The following IRS2 variants were observed in gnomAD, a reference collection of about 807,000 sequenced individuals.
The protein encoded by IRS2 is insulin receptor substrate 2.
Under a neutral mutation model 70.9 loss-of-function variants are expected in IRS2, and 28 were observed. The observed-to-expected ratio is 0.39, with a 90% CI of 0.29 to 0.54. The LOEUF (loss-of-function observed/expected upper bound fraction) is 0.54, where lower values mean the gene tolerates loss of function less well. Ranked by LOEUF, IRS2 falls within the 20% of genes least tolerant of loss-of-function variation. IRS2 has a pLI of 0.59. For missense variants in IRS2, 2,081 were observed against 2,024.1 expected (o/e 1.03, Z -0.54); for synonymous variants, 1,217 against 981.9 (o/e 1.24, Z -4.48).
At position 109,783,125 on chromosome 13, in the gene IRS2, C is replaced by A; in HGVS notation, c.2929G>T (p.Asp977Tyr). The change falls in exon 1 of 2, where the codon GAC becomes TAC. Residue 977 changes from aspartate (D) to tyrosine (Y), a missense_variant. Asp to Tyr is a radical substitution (Grantham distance 160). This residue lies in a region of IRS2 where 1,615 missense variants were observed against 1,459.5 expected (regional missense o/e 1.11). Coordinates refer to ENST00000375856, the MANE Select transcript of IRS2 (RefSeq NM_003749.3). Reference protein sequence around the residue: ...SDSRQRSPLSDYMNLDFSSPK... With the variant: ...SDSRQRSPLSYYMNLDFSSPK... ...GAGCTGAAGTCGAGGTTCATGTAGT[C>A]GGAGAGCGGAGACCGCTGCCGGCTG... is the stretch of plus-strand genomic sequence containing the variant. 2 of 1,385,486 alleles carry A rather than the reference C, an allele frequency of 1.4e-6. No individual in the cohort carries two copies. The highest frequency in any genetic ancestry group is 9.3e-7 in the Non-Finnish European group (1 of 1,076,292). The allele number at this position is 1,385,486 out of a possible 1,614,324, so 85.8% of individuals were successfully genotyped here.
At chr13:109,768,945 G>A (rs1343846250) in intron 1 of IRS2, among the ~76,000 whole-genome samples, 2 of 152,182 alleles carry the variant, frequency 1.3e-5, no homozygotes, top group Non-Finnish European at 2.9e-5. Context: ...AGGTTATTGG[G>A]ATTCAATACC....
intron 1 of IRS2, among the ~76,000 whole-genome samples, chr13:109,773,956 T>C (rs1478662311): frequency 2.0e-5 from 3 of 152,208 alleles, no homozygotes; most frequent in Non-Finnish European, 1.5e-5. Flanking sequence ...TACAAACAAC[T>C]CTACCACTAA....
At chr13:109,781,760 G>C (rs144654352) in intron 1 of IRS2, among the ~76,000 whole-genome samples, 1,900 of 152,270 alleles carry the variant, frequency 0.012, 39 homozygotes, top group African/African-American at 0.044. Flanking sequence ...AAGGGACAGG[G>C]GGCTGTGGGA....
intron 1 of IRS2, 110 bp from the exon 2 acceptor site, chr13:109,756,418 TAAACTGATGACCTTTG>T: frequency 1.2e-6 from 1 of 860,282 alleles, no homozygotes; most frequent in Non-Finnish European, 2.0e-6. Context: ...GTCATTTTCA[TAAACTGATGACCTTTG>T]AGAAAGAAAC....
chr13:109,753,691 G>T lies in IRS2; in HGVS notation c.*2613C>A, dbSNP rs1877042545. On this transcript the variant is annotated 3_prime_UTR_variant, in exon 2 of 2. Coordinates refer to ENST00000375856, the MANE Select transcript of IRS2 (RefSeq NM_003749.3). Reference sequence around the variant, plus strand: ...GTTGTTATCTGGCAGGTATTTTTTGGCTTCCAGAATAAAAGTTTTAAAATT... The same window carrying T: ...GTTGTTATCTGGCAGGTATTTTTTGTCTTCCAGAATAAAAGTTTTAAAATT... 5.5e-6 allele frequency: 1 copy of T among 183,192 alleles called. No homozygotes were observed. Among genetic ancestry groups the T allele is most frequent in the African/African-American group, 2.4e-5 (1 of 42,468 alleles). 11.3% of individuals were successfully genotyped at this position (183,192 alleles called of 1,614,324 possible). A position where few individuals can be genotyped will look rare whatever the true frequency, so the allele number is the denominator to read the frequency against.
chr13:109,765,109 G>T (rs892397626), intron 1 of IRS2, among the ~76,000 whole-genome samples: 1 of 152,084 alleles, frequency 6.6e-6, no homozygotes, highest in African/African-American at 2.4e-5. Flanking sequence ...GCTGGGCTCC[G>T]CCTGGTCCAG....
chr13:109,756,118 A>G lies in IRS2; in HGVS notation c.*186T>C, dbSNP rs764331901. On this transcript the variant is annotated 3_prime_UTR_variant, in exon 2 of 2. Coordinates refer to ENST00000375856, the MANE Select transcript of IRS2 (RefSeq NM_003749.3). ...TGAATGCCCCATCCGGGAACAAGGG[A>G]AAGAGGCAGGTGACCTTGCCTTGTT... 1.4e-4 allele frequency: 83 copies of G among 592,920 alleles called. No individual in the cohort carries two copies. The highest frequency in any genetic ancestry group is 2.3e-4 in the Non-Finnish European group (74 of 327,600). The allele number at this position is 592,920 out of a possible 1,614,324, so 36.7% of individuals were successfully genotyped here. A position where few individuals can be genotyped will look rare whatever the true frequency, so the allele number is the denominator to read the frequency against.
intron 1 of IRS2, among the ~76,000 whole-genome samples, chr13:109,763,431 A>G (rs1319613514): frequency 2.0e-5 from 3 of 151,736 alleles, no homozygotes; most frequent in African/African-American, 4.8e-5. Context: ...CCGCTATTCT[A>G]TTTGATTTTT....
At position 109,786,019 on chromosome 13, in the gene IRS2, G is replaced by A. The variant is rs1022312372; in HGVS notation, c.35C>T (p.Pro12Leu). 1 of 1,369,020 alleles carries A rather than the reference G, an allele frequency of 7.3e-7. No homozygotes were observed. Among genetic ancestry groups the A allele is most frequent in the Admixed American group, 2.9e-5 (1 of 34,418 alleles). 84.8% of individuals were successfully genotyped at this position (1,369,020 alleles called of 1,614,324 possible). A position where few individuals can be genotyped will look rare whatever the true frequency, so the allele number is the denominator to read the frequency against. The change falls in exon 1 of 2, where the codon CCG (proline) becomes CTG (leucine). Residue 12 changes from proline to leucine, a missense_variant. By Grantham distance (98) the Pro-to-Leu change is moderately conservative. Coordinates refer to ENST00000375856, the MANE Select transcript of IRS2 (RefSeq NM_003749.3). The surrounding 1 kb of genome is among the most constrained non-coding windows in gnomAD (Gnocchi z 4.4). ...GAGGTTGGGGCCGTCTCCGCTCGCC[G>A]GCCCGGGCGGCCCGTGCCGCGGCGG... is the stretch of plus-strand genomic sequence containing the variant. ...ASPPRHGPPGPASGDGPNLNN... is the reference protein window; with the variant it reads ...ASPPRHGPPGLASGDGPNLNN...
intron 1 of IRS2, among the ~76,000 whole-genome samples, chr13:109,773,469 T>G (rs1168173208): frequency 6.6e-6 from 1 of 152,228 alleles, no homozygotes; most frequent in African/African-American, 2.4e-5. Flanking sequence ...ATGCACCCGC[T>G]GACTCATCAC....
chr13:109,763,109 C>T (rs1877261970), intron 1 of IRS2, among the ~76,000 whole-genome samples: 1 of 152,206 alleles, frequency 6.6e-6, no homozygotes, highest in South Asian at 2.1e-4. Context: ...CTCTTTACTA[C>T]CTGACCTTTC....
chr13:109,754,464 T>A lies in IRS2; in HGVS notation c.*1840A>T, dbSNP rs1020707653. On this transcript the variant is annotated 3_prime_UTR_variant, in exon 2 of 2. Transcript: ENST00000375856. ...AGTCCCTATCGTACCTGGGGGGAGT[T>A]ACAAAGCAAATACCACCCATTGATG... 4.9e-6 allele frequency: 1 copy of A among 204,816 alleles called. No individual in the cohort carries two copies. Among genetic ancestry groups the A allele is most frequent in the African/African-American group, 2.3e-5 (1 of 43,732 alleles). The allele number at this position is 204,816 out of a possible 1,614,324, so 12.7% of individuals were successfully genotyped here. A position where few individuals can be genotyped will look rare whatever the true frequency, so the allele number is the denominator to read the frequency against.
At position 109,782,915 on chromosome 13, in the gene IRS2, CG is replaced by C; in HGVS notation, c.3138del (p.Ala1047ProfsTer59). 1.9e-6 allele frequency: 3 copies of C among 1,543,926 alleles called. No individual in the cohort carries two copies. The highest frequency in any genetic ancestry group is 2.6e-6 in the Non-Finnish European group (3 of 1,143,944). The stretch of plus-strand genomic sequence containing the variant: ...CCCTGGGCGGTGGCAACGGCCGAGG[CG>C]GGGGGCAGGCGGTACAGCTCCCCCG... The part of the protein sequence containing the change: ...PAPGELYRLP[P>X]ASAVATAQGP... On this transcript the variant is annotated frameshift_variant, in exon 1 of 2. Coordinates refer to ENST00000375856, the MANE Select transcript of IRS2 (RefSeq NM_003749.3). LOFTEE classifies it high-confidence loss of function.
Position 109,784,299 on chromosome 13 carries a change from C to T in IRS2, c.1755G>A (p.Arg585=), listed in dbSNP as rs1197461704. ...TYSLTTPARQ[R]PVPQPSSASL... Reference sequence around the variant, plus strand: ...AGGCAGAGGAGGGCTGGGGCACCGGCCGCTGCCGGGCTGGCGTGGTCAGGG... The same window carrying T: ...AGGCAGAGGAGGGCTGGGGCACCGGTCGCTGCCGGGCTGGCGTGGTCAGGG... Residue 585 remains arginine (R), a synonymous_variant, in exon 1 of 2, where the codon CGG becomes CGA. Coordinates refer to ENST00000375856, the MANE Select transcript of IRS2 (RefSeq NM_003749.3). The surrounding 1 kb of genome is among the most constrained non-coding windows in gnomAD (Gnocchi z 5.2). 1.3e-6 allele frequency: 2 copies of T among 1,598,980 alleles called. No homozygotes were observed. Among genetic ancestry groups the T allele is most frequent in the East Asian group, 2.2e-5 (1 of 44,504 alleles).
intron 1 of IRS2, among the ~76,000 whole-genome samples, chr13:109,773,275 C>A (rs1218216049): frequency 6.6e-6 from 1 of 152,082 alleles, no homozygotes; most frequent in Non-Finnish European, 1.5e-5. Flanking sequence ...CTAGCAACAA[C>A]TGATTAGTTA....
intron 1 of IRS2, among the ~76,000 whole-genome samples, chr13:109,776,148 CAA>C (rs34025950): frequency 9.9e-5 from 11 of 110,728 alleles, no homozygotes; most frequent in African/African-American, 1.2e-4. Flanking sequence ...GACTCCGTCT[CAA>C]AAAAAAAAAA....
intron 1 of IRS2, among the ~76,000 whole-genome samples, chr13:109,763,073 A>G (rs953768840): frequency 4.6e-5 from 7 of 152,218 alleles, no homozygotes; most frequent in African/African-American, 1.7e-4. Context: ...CAGCTGTGAC[A>G]GAGACTGCAT....
intron 1 of IRS2, among the ~76,000 whole-genome samples, chr13:109,762,671 T>G (rs1387078728): frequency 6.6e-6 from 1 of 152,164 alleles, no homozygotes; most frequent in Non-Finnish European, 1.5e-5. Context: ...ATGGTTGGTC[T>G]TCCTTGCCAG....
rs1343513907 is a variant in IRS2 at position 109,785,127 on chromosome 13, C to G, written c.927G>C (p.Ser309=). 6.3e-7 allele frequency: 1 copy of G among 1,594,568 alleles called. No homozygotes were observed. The highest frequency in any genetic ancestry group is 8.5e-7 in the Non-Finnish European group (1 of 1,171,508). ...EFRPRSKSQS[S]GSSATHPISV... ...TGATGGGGTGCGTGGCCGACGACCC[C>G]GACGATTGGCTCTTACTGCGCGGCC... is the stretch of plus-strand genomic sequence containing the variant. The change falls in exon 1 of 2, where the codon TCG becomes TCC. Residue 309 remains serine (S), a synonymous_variant. Transcript: ENST00000375856. This position sits in a 1 kb window ranked among gnomAD's most constrained non-coding sequence, Gnocchi z 9.3.
Sources: gnomAD v4.1 joint callset for allele counts (sites outside exome capture counted in the v4.1 genomes callset) on GRCh38, gnomAD v4.1.1 for gene constraint, gnomAD v4.1.1 regional missense constraint, Gnocchi (gnomAD v3.1) non-coding constraint, MANE v1.5 for transcripts, NCBI Gene and HGNC (gene_info 2026-07-23, HGNC 2026-07-21) for gene names.